Variants in DCC observed in about 807,000 individuals in gnomAD.
DCC encodes DCC netrin 1 receptor.
In DCC, 58 loss-of-function variants were observed where a neutral mutation model predicts 172.5. That is an observed-to-expected ratio of 0.34 (90% confidence interval 0.27 to 0.42). The LOEUF (loss-of-function observed/expected upper bound fraction) is 0.42. Ranked by LOEUF, DCC falls within the 10% of genes least tolerant of loss-of-function variation. The probability of loss-of-function intolerance (pLI) is 1.00; values close to 1 mark genes in which losing one functional copy is unlikely to be tolerated. For synonymous variants in DCC, 709 were observed against 644.5 expected (o/e 1.10, Z -1.52); for missense variants, 1,740 against 1,791.0 (o/e 0.97, Z 0.51).
At chr18:52,348,516 T>C (rs1983977714) in intron 1 of DCC, among the ~76,000 whole-genome samples, 1 of 152,226 alleles carries the variant, frequency 6.6e-6, no homozygotes, top group Non-Finnish European at 1.5e-5. Context: ...TCATTGTGGG[T>C]TTAATTCGCA....
intron 2 of DCC, 125 bp downstream of exon 2, chr18:52,752,499 G>A (rs547549182): frequency 1.3e-6 from 1 of 762,986 alleles, no homozygotes; most frequent in Admixed American, 2.2e-5. Context: ...ATTTTAAGTT[G>A]ACAAGTAATT....
At chr18:52,426,798 T>C (rs1004432460) in intron 1 of DCC, among the ~76,000 whole-genome samples, 28 of 56,590 alleles carry the variant, frequency 4.9e-4, no homozygotes, top group Admixed American at 4.6e-3. Context: ...GGCATTATTT[T>C]TTGTTATCAG....
chr18:53,312,981 AGGAG>A (rs1230584019), intron 13 of DCC, among the ~76,000 whole-genome samples: 2 of 90,746 alleles, frequency 2.2e-5, no homozygotes, highest in South Asian at 4.6e-4. Flanking sequence ...AGAGGAAGGG[AGGAG>A]GGAGGGAGGA....
intron 15 of DCC, among the ~76,000 whole-genome samples, chr18:53,381,010 A>G (rs1907684943): frequency 6.6e-6 from 1 of 152,140 alleles, no homozygotes; most frequent in South Asian, 2.1e-4. Flanking sequence ...TACCATGGCT[A>G]AAGATCAAGT....
intron 1 of DCC, among the ~76,000 whole-genome samples, chr18:52,484,102 T>C (rs983571053): frequency 2.0e-5 from 3 of 152,150 alleles, no homozygotes; most frequent in Admixed American, 6.6e-5. Flanking sequence ...CTTATGTGAA[T>C]GGGCTAGGAA....
intron 2 of DCC, among the ~76,000 whole-genome samples, chr18:52,774,698 TAC>T (rs2037398415): frequency 6.6e-6 from 1 of 152,124 alleles, no homozygotes; most frequent in Non-Finnish European, 1.5e-5. Context: ...GGGTCCTGGT[TAC>T]TGCCTGTTTT....
chr18:52,396,291 C>A (rs1445690686), intron 1 of DCC, among the ~76,000 whole-genome samples: 22 of 99,256 alleles, frequency 2.2e-4, no homozygotes, highest in Non-Finnish European at 2.8e-4. Flanking sequence ...ACCCCCCCCC[C>A]ACCCCGCCCT....
At chr18:52,701,369 C>A (rs1291056360) in intron 1 of DCC, among the ~76,000 whole-genome samples, 1 of 152,128 alleles carries the variant, frequency 6.6e-6, no homozygotes, top group Non-Finnish European at 1.5e-5. Flanking sequence ...GGCTTCTTTT[C>A]CTGTAAGCTC....
intron 26 of DCC, among the ~76,000 whole-genome samples, chr18:53,494,157 T>C (rs548531524): frequency 6.6e-6 from 1 of 152,344 alleles, no homozygotes; most frequent in Admixed American, 6.5e-5. Flanking sequence ...TTCATAATCT[T>C]GAGTTCTAAT....
At chr18:53,031,999 A>T (rs773946183) in intron 5 of DCC, among the ~76,000 whole-genome samples, 3 of 152,172 alleles carry the variant, frequency 2.0e-5, no homozygotes, top group Non-Finnish European at 2.9e-5. Context: ...TTTAGCAAAT[A>T]TGCAAGCTGA....
intron 1 of DCC, among the ~76,000 whole-genome samples, chr18:52,530,893 C>T (rs1284608950): frequency 3.3e-5 from 5 of 152,158 alleles, no homozygotes; most frequent in African/African-American, 1.2e-4. Flanking sequence ...ATTATTTTAA[C>T]AGGCTTTAGT....
chr18:52,476,474 C>G (rs975894827), intron 1 of DCC, among the ~76,000 whole-genome samples: 1 of 152,156 alleles, frequency 6.6e-6, no homozygotes, highest in Admixed American at 6.6e-5. Flanking sequence ...TTATGGCAAG[C>G]TTTTCATTTG....
chr18:53,064,606 T>C (rs188530342), intron 6 of DCC, among the ~76,000 whole-genome samples: 108 of 152,308 alleles, frequency 7.1e-4, no homozygotes, highest in African/African-American at 2.4e-3. Context: ...TGCATGCATG[T>C]TGGCCTACTA....
chr18:52,927,039 GC>G (rs200713965), intron 5 of DCC, among the ~76,000 whole-genome samples: 5,736 of 64,846 alleles, frequency 0.088, 1,178 homozygotes, highest in Non-Finnish European at 0.14. Flanking sequence ...GTATGAGTAT[GC>G]CAATACATAT....
chr18:53,250,977 T>A (rs2056423659), intron 12 of DCC, among the ~76,000 whole-genome samples: 12 of 151,960 alleles, frequency 7.9e-5, no homozygotes. Context: ...GGTTTACCAT[T>A]CCCTTTTCCT....
At chr18:53,085,692 G>C (rs2042869040) in intron 7 of DCC, among the ~76,000 whole-genome samples, 1 of 151,634 alleles carries the variant, frequency 6.6e-6, no homozygotes, top group African/African-American at 2.4e-5. Flanking sequence ...GGAATATAAA[G>C]CTAACTTCTC....
chr18:53,528,669 A>G (rs2046486243), intron 28 of DCC, among the ~76,000 whole-genome samples: 1 of 152,178 alleles, frequency 6.6e-6, no homozygotes, highest in Admixed American at 6.6e-5. Flanking sequence ...TAAATTGACT[A>G]GAAGCTACAT....
chr18:52,611,211 A>G (rs984552398), intron 1 of DCC, among the ~76,000 whole-genome samples: 3 of 152,004 alleles, frequency 2.0e-5, no homozygotes, highest in Non-Finnish European at 2.9e-5. Flanking sequence ...TGTCTTTCCC[A>G]GGTGTGTGCC....
intron 1 of DCC, among the ~76,000 whole-genome samples, chr18:52,726,580 C>A (rs2036555060): frequency 6.6e-6 from 1 of 152,148 alleles, no homozygotes; most frequent in African/African-American, 2.4e-5. Context: ...ATTTTTAAGG[C>A]AGAAACAATG....
Sources: gnomAD v4.1 joint callset for allele counts (sites outside exome capture counted in the v4.1 genomes callset) on GRCh38, gnomAD v4.1.1 for gene constraint, MANE v1.5 for transcripts, NCBI Gene and HGNC (gene_info 2026-07-23, HGNC 2026-07-21) for gene names.